Variants in GRIK1 observed in about 807,000 individuals in gnomAD.
The protein encoded by GRIK1 is glutamate receptor ionotropic, kainate 1.
In GRIK1, 69 loss-of-function variants were observed where a neutral mutation model predicts 105.7. The observed-to-expected ratio is 0.65, with a 90% CI of 0.54 to 0.80. GRIK1 has a LOEUF of 0.80. Ranked by LOEUF, GRIK1 falls within the 30% of genes least tolerant of loss-of-function variation. The probability of loss-of-function intolerance (pLI) is 0.00; values close to 1 mark genes in which losing one functional copy is unlikely to be tolerated. For missense variants in GRIK1, 1,109 were observed against 1,167.3 expected (o/e 0.95, Z 0.73); for synonymous variants, 438 against 431.3 (o/e 1.02, Z -0.19).
intron 1 of GRIK1, among the ~76,000 whole-genome samples, chr21:29,710,769 GTCCCTCCCTCCC>G (rs1335450887): frequency 2.4e-5 from 2 of 83,348 alleles, no homozygotes; most frequent in African/African-American, 9.7e-5. Flanking sequence ...CCCTCCGTCC[GTCCCTCCCTCCC>G]TCCCTCCCTC....
chr21:29,544,723 TAA>T (rs1241137394), intron 16 of GRIK1, among the ~76,000 whole-genome samples: 1 of 152,214 alleles, frequency 6.6e-6, no homozygotes, highest in Non-Finnish European at 1.5e-5. Flanking sequence ...CTTTGAATTG[TAA>T]AAGTTTGACA....
intron 1 of GRIK1, among the ~76,000 whole-genome samples, chr21:29,866,527 G>A (rs1183720043): frequency 6.6e-6 from 1 of 152,036 alleles, no homozygotes; most frequent in African/African-American, 2.4e-5. Flanking sequence ...TTCACAATGA[G>A]CATTATTTTT....
rs1018084544 is a variant in GRIK1, at chr21:29,827,408, G to A, written c.118+111975C>T. ...AATGCTCAGGCCATGATGAGTCAACGGCAAGTCATAGTAAGTTGCAAAAGC... is the reference window on the plus strand; with the variant it reads ...AATGCTCAGGCCATGATGAGTCAACAGCAAGTCATAGTAAGTTGCAAAAGC... On this transcript the variant is annotated intron_variant, in intron 1 of 17. Coordinates refer to ENST00000327783, the MANE Select transcript of GRIK1 (RefSeq NM_001330994.2). Among the ~76,000 whole-genome samples, 13 of 151,992 alleles carry A rather than the reference G, an allele frequency of 8.6e-5. No homozygotes were observed. In the East Asian group the frequency reaches 1.4e-3, roughly 16 times the overall value.
At chr21:29,734,348 T>A (rs1268996251) in intron 1 of GRIK1, among the ~76,000 whole-genome samples, 2 of 10,050 alleles carry the variant, frequency 2.0e-4, no homozygotes, top group East Asian at 8.3e-3. Context: ...TCATAGCACT[T>A]TTCTTTTCTT....
In GRIK1 at chr21:29,537,157, ACTC is replaced by A; in HGVS notation, c.*70_*72del. On this transcript the variant is annotated 3_prime_UTR_variant, in exon 18 of 18. Coordinates refer to ENST00000327783, the MANE Select transcript of GRIK1 (RefSeq NM_001330994.2). Reference sequence around the variant, plus strand: ...ATAGATATATGGAAACACATCACACACTCCTCAGAAATCCTTTCTCCAAAAATC... The same window carrying A: ...ATAGATATATGGAAACACATCACACACTCAGAAATCCTTTCTCCAAAAATC... The A allele has an allele frequency of 9.9e-7, 1 of 1,012,542 alleles. No individual in the cohort carries two copies. The highest frequency in any genetic ancestry group is 1.4e-6 in the Non-Finnish European group (1 of 691,772). The allele number at this position is 1,012,542 out of a possible 1,614,324, so 62.7% of individuals were successfully genotyped here. A position where few individuals can be genotyped will look rare whatever the true frequency, so the allele number is the denominator to read the frequency against.
At chr21:29,594,105 T>A (rs1291226854) in intron 9 of GRIK1, among the ~76,000 whole-genome samples, 1 of 152,202 alleles carries the variant, frequency 6.6e-6, no homozygotes, top group Non-Finnish European at 1.5e-5. Flanking sequence ...AGGCTATTCC[T>A]GGGAAATGTA....
At chr21:29,670,469 CA>C (rs1399925739) in intron 4 of GRIK1, among the ~76,000 whole-genome samples, 1 of 152,210 alleles carries the variant, frequency 6.6e-6, no homozygotes, top group African/African-American at 2.4e-5. Flanking sequence ...CTACTTCTAT[CA>C]AAGGAACTTC....
At chr21:29,674,481 T>A (rs2063228119) in intron 3 of GRIK1, among the ~76,000 whole-genome samples, 1 of 152,128 alleles carries the variant, frequency 6.6e-6, no homozygotes, top group Non-Finnish European at 1.5e-5. Context: ...CTGATATGGC[T>A]TGGCTCTGTG....
chr21:29,933,064 T>C (rs939549579), intron 1 of GRIK1, among the ~76,000 whole-genome samples: 17 of 152,132 alleles, frequency 1.1e-4, no homozygotes, highest in African/African-American at 3.6e-4. Context: ...CATCTAAGTA[T>C]ACCTTTTTTA....
Position 29,801,846 on chromosome 21 carries a change from C to T in GRIK1, c.119-107783G>A, listed in dbSNP as rs185934700. Among the ~76,000 whole-genome samples, 195 of 152,230 alleles carry T rather than the reference C, an allele frequency of 1.3e-3. 1 individual carries two copies. The highest frequency in any genetic ancestry group is 0.01 in the Middle Eastern group (3 of 294). ...TTTATTTCATAAGGCAATTCTTTGA[C>T]GACTCTACCCACTCTCTTTTTTTTC... On this transcript the variant is annotated intron_variant, in intron 1 of 17. Coordinates refer to ENST00000327783, the MANE Select transcript of GRIK1 (RefSeq NM_001330994.2).
chr21:29,780,432 T>C (rs1473130442), intron 1 of GRIK1, among the ~76,000 whole-genome samples: 1 of 152,186 alleles, frequency 6.6e-6, no homozygotes, highest in Admixed American at 6.5e-5. Context: ...TAGGAAGGCA[T>C]ATATATTCTG....
intron 1 of GRIK1, among the ~76,000 whole-genome samples, chr21:29,876,112 A>ATATGTGTGTGTGTGTG (rs142408189): frequency 6.7e-6 from 1 of 148,976 alleles, no homozygotes; most frequent in Non-Finnish European, 1.5e-5. Flanking sequence ...GGAGATAGAT[A>ATATGTGTGTGTGTGTG]TGTGTGTGTG....
At position 29,783,877 on chromosome 21, in the gene GRIK1, A is replaced by G. The variant is rs563237775; in HGVS notation, c.119-89814T>C. On this transcript the variant is annotated intron_variant, in intron 1 of 17. Coordinates refer to ENST00000327783, the MANE Select transcript of GRIK1 (RefSeq NM_001330994.2). ...GGATACACAGAAAAACGTTTCTTTTACTATTACCATATCAATCAGCCCTAT... is the reference window on the plus strand; with the variant it reads ...GGATACACAGAAAAACGTTTCTTTTGCTATTACCATATCAATCAGCCCTAT... Among the ~76,000 whole-genome samples, 172 of 152,324 alleles carry G rather than the reference A, an allele frequency of 1.1e-3. 2 individuals carry two copies. The highest frequency in any genetic ancestry group is 4.0e-3 in the African/African-American group (165 of 41,576).
At chr21:29,899,548 T>C (rs115830675) in intron 1 of GRIK1, among the ~76,000 whole-genome samples, 1 of 151,888 alleles carries the variant, frequency 6.6e-6, no homozygotes, top group Admixed American at 6.6e-5. Context: ...TACCTTTTTT[T>C]TTTTTTGGTA....
intron 3 of GRIK1, among the ~76,000 whole-genome samples, chr21:29,677,792 G>T (rs189219262): frequency 6.6e-6 from 1 of 152,312 alleles, no homozygotes; most frequent in Admixed American, 6.5e-5. Flanking sequence ...GCATGGTGAG[G>T]TTAATTGTTT....
chr21:29,585,175 C>T (rs577617234), intron 12 of GRIK1, among the ~76,000 whole-genome samples: 129 of 152,038 alleles, frequency 8.5e-4, no homozygotes, highest in Non-Finnish European at 1.6e-3. Context: ...ATGATACTCT[C>T]GGTGAGTAGA....
chr21:29,649,115 C>T (rs980490073), intron 6 of GRIK1, among the ~76,000 whole-genome samples: 1 of 152,056 alleles, frequency 6.6e-6, no homozygotes, highest in African/African-American at 2.4e-5. Context: ...TTTCCACATT[C>T]CCAAAGTAGC....
At chr21:29,836,161 A>G (rs1267726127) in intron 1 of GRIK1, among the ~76,000 whole-genome samples, 3 of 152,244 alleles carry the variant, frequency 2.0e-5, no homozygotes, top group Admixed American at 2.0e-4. Context: ...ATAAAAAGAA[A>G]GCAGAAATCT....
chr21:29,924,978 C>T (rs1016730746), intron 1 of GRIK1, among the ~76,000 whole-genome samples: 66 of 152,192 alleles, frequency 4.3e-4, no homozygotes, highest in African/African-American at 1.5e-3. Context: ...GATGAGGTGA[C>T]GTGCAAGCCA....
Sources: allele counts gnomAD v4.1 joint callset (sites outside exome capture counted in the v4.1 genomes callset), GRCh38; gene constraint gnomAD v4.1.1; transcripts MANE v1.5; gene names NCBI Gene and HGNC (gene_info 2026-07-23, HGNC 2026-07-21).